The following ZNG1C variants were observed in gnomAD, a reference collection of about 807,000 sequenced individuals.
ZNG1C encodes zinc-regulated GTPase metalloprotein activator 1C.
At chr9:68,291,697 G>C in the ZNG1C span, among the ~76,000 whole-genome samples, 2 of 147,718 alleles carry the variant, frequency 1.4e-5, no homozygotes, top group African/African-American at 5.0e-5. Flanking sequence ...TAGTCTGCTT[G>C]TACTTCTCTT....
At chr9:68,244,470 G>A in the ZNG1C span, among the ~76,000 whole-genome samples, 4 of 79,606 alleles carry the variant, frequency 5.0e-5, no homozygotes, top group South Asian at 1.2e-3. Flanking sequence ...CTTCCTAGTT[G>A]TAGGAAGATC....
chr9:68,291,833 C>G, the ZNG1C span, among the ~76,000 whole-genome samples: 10 of 151,078 alleles, frequency 6.6e-5, no homozygotes, highest in African/African-American at 2.4e-4. Context: ...CCACAACTGA[C>G]ACTCTCTGGA....
chr9:68,256,057 G>A, the ZNG1C span, among the ~76,000 whole-genome samples: 74 of 152,244 alleles, frequency 4.9e-4, no homozygotes, highest in Admixed American at 7.9e-4. Flanking sequence ...ACAGCTGACC[G>A]GTATTTCATT....
the ZNG1C span, among the ~76,000 whole-genome samples, chr9:68,257,298 A>C: frequency 7.9e-6 from 1 of 126,214 alleles, no homozygotes; most frequent in African/African-American, 3.0e-5. Flanking sequence ...TCGGCCTCCC[A>C]AAGTGCTGGG....
At chr9:68,250,989 G>C in the ZNG1C span, 1 of 321,648 alleles carries the variant, frequency 3.1e-6, no homozygotes. Flanking sequence ...CCAGCTACTT[G>C]GATCACTTGA....
the ZNG1C span, among the ~76,000 whole-genome samples, chr9:68,294,069 C>T: frequency 6.6e-6 from 1 of 152,012 alleles, no homozygotes; most frequent in Non-Finnish European, 1.5e-5. Context: ...ATAACCTGCT[C>T]CTGGATGATC....
the ZNG1C span, chr9:68,297,519 T>G: frequency 2.6e-6 from 3 of 1,161,202 alleles, no homozygotes; most frequent in East Asian, 8.6e-5. Context: ...TCTTAAAATT[T>G]GTGATTTAAA....
chr9:68,290,187 A>C, the ZNG1C span, among the ~76,000 whole-genome samples: 429 of 143,140 alleles, frequency 3.0e-3, 15 homozygotes, highest in African/African-American at 0.011. Context: ...TTTAATTTTT[A>C]AAGCCTTTTT....
chr9:68,265,219 T>A, the ZNG1C span, among the ~76,000 whole-genome samples: 1 of 146,030 alleles, frequency 6.8e-6, no homozygotes, highest in Non-Finnish European at 1.5e-5. Context: ...GTAACTTTTT[T>A]CCTTATGAAA....
the ZNG1C span, among the ~76,000 whole-genome samples, chr9:68,289,485 G>A: frequency 6.6e-6 from 1 of 151,540 alleles, no homozygotes; most frequent in Non-Finnish European, 1.5e-5. Context: ...GTTGTCCCTG[G>A]TGGCCAGATA....
the ZNG1C span, among the ~76,000 whole-genome samples, chr9:68,265,146 C>T: frequency 6.8e-6 from 1 of 146,496 alleles, no homozygotes; most frequent in Non-Finnish European, 1.5e-5. Flanking sequence ...CCCGCCTCGG[C>T]CTCCCAAAGT....
chr9:68,273,947 C>G, the ZNG1C span: 1 of 138,536 alleles, frequency 7.2e-6, no homozygotes, highest in African/African-American at 2.6e-5. Flanking sequence ...TCAAATGATT[C>G]TCCTGCCGCA....
At chr9:68,248,718 G>T in the ZNG1C span, 1 of 114,006 alleles carries the variant, frequency 8.8e-6, no homozygotes, top group Non-Finnish European at 1.6e-5. Flanking sequence ...TTTTGTCTCG[G>T]GTTGTTGAAT....
chr9:68,281,318 C>T, the ZNG1C span, among the ~76,000 whole-genome samples: 2 of 152,142 alleles, frequency 1.3e-5, no homozygotes, highest in African/African-American at 4.8e-5. Flanking sequence ...ACGCTGGGAG[C>T]TGTAGACCGG....
chr9:68,298,831 T>C, the ZNG1C span: 1 of 508,740 alleles, frequency 2.0e-6, no homozygotes, highest in South Asian at 2.5e-5. Context: ...TGGAATTAAG[T>C]AATTTTCTCA....
the ZNG1C span, among the ~76,000 whole-genome samples, chr9:68,245,790 G>A: frequency 6.6e-6 from 1 of 150,682 alleles, no homozygotes; most frequent in Admixed American, 6.6e-5. Context: ...AGTAGAGACA[G>A]GGTTTCACCA....
chr9:68,276,849 T>C, the ZNG1C span, among the ~76,000 whole-genome samples: 3 of 87,882 alleles, frequency 3.4e-5, no homozygotes, highest in African/African-American at 1.4e-4. Context: ...AAGAAAGTCA[T>C]TGGTAGCTTG....
the ZNG1C span, among the ~76,000 whole-genome samples, chr9:68,257,193 G>T: frequency 3.6e-5 from 5 of 139,356 alleles, no homozygotes; most frequent in South Asian, 1.1e-3. Context: ...GTGCACCATC[G>T]TACCTGGCTA....
chr9:68,281,242 T>C, the ZNG1C span, among the ~76,000 whole-genome samples: 2 of 152,280 alleles, frequency 1.3e-5, no homozygotes, highest in Non-Finnish European at 2.9e-5. Flanking sequence ...TGTCTGGCAC[T>C]ACCTAGTGAG....
Sources: gnomAD v4.1 joint callset for allele counts (sites outside exome capture counted in the v4.1 genomes callset) on GRCh38, gnomAD v4.1.1 for gene constraint, MANE v1.5 for transcripts, NCBI Gene and HGNC (gene_info 2026-07-23, HGNC 2026-07-21) for gene names.